MBOAT2: variants seen among roughly 807,000 people sequenced by gnomAD.
MBOAT2 encodes the protein membrane-bound glycerophospholipid O-acyltransferase 2.
Under a neutral mutation model 63.4 loss-of-function variants are expected in MBOAT2, and 28 were observed. The observed-to-expected ratio is 0.44, with a 90% CI of 0.33 to 0.61. MBOAT2 has a LOEUF of 0.61. MBOAT2 is among the 20% of genes least tolerant of loss of function. MBOAT2 has a pLI of 0.03. For synonymous variants in MBOAT2, 211 were observed against 215.6 expected (o/e 0.98, Z 0.19); for missense variants, 470 against 605.8 (o/e 0.78, Z 2.35).
At chr2:8,861,823 C>A (rs1661520648) in intron 11 of MBOAT2, among the ~76,000 whole-genome samples, 1 of 152,170 alleles carries the variant, frequency 6.6e-6, no homozygotes, top group African/African-American at 2.4e-5. Context: ...GGTATGTACA[C>A]ACATATACAC....
At chr2:8,905,055 TAA>T (rs1665232039) in intron 4 of MBOAT2, among the ~76,000 whole-genome samples, 1 of 152,146 alleles carries the variant, frequency 6.6e-6, no homozygotes, top group African/African-American at 2.4e-5. Flanking sequence ...AACTGTCCCA[TAA>T]AAGAGAGATT....
At chr2:8,933,856 T>A (rs1373191299) in intron 3 of MBOAT2, among the ~76,000 whole-genome samples, 2 of 152,020 alleles carry the variant, frequency 1.3e-5, no homozygotes, top group African/African-American at 4.8e-5. Flanking sequence ...CCACTTCATA[T>A]AAAAGCCCTC....
chr2:8,871,587 C>G (rs1476733325), intron 8 of MBOAT2, among the ~76,000 whole-genome samples: 1 of 152,118 alleles, frequency 6.6e-6, no homozygotes, highest in Non-Finnish European at 1.5e-5. Flanking sequence ...TTATTGATGT[C>G]TAAATTTGGC....
intron 3 of MBOAT2, among the ~76,000 whole-genome samples, chr2:8,936,195 A>G (rs1667649977): frequency 6.6e-6 from 1 of 152,118 alleles, no homozygotes; most frequent in Non-Finnish European, 1.5e-5. Flanking sequence ...TTTTTTATTC[A>G]TCACTAGATC....
intron 4 of MBOAT2, among the ~76,000 whole-genome samples, chr2:8,890,151 C>T (rs1663883645): frequency 6.6e-6 from 1 of 152,150 alleles, no homozygotes; most frequent in South Asian, 2.1e-4. Flanking sequence ...ATGCTGCTCC[C>T]TTTACCCAGA....
intron 4 of MBOAT2, among the ~76,000 whole-genome samples, chr2:8,899,560 T>C (rs1483143831): frequency 6.6e-6 from 1 of 152,234 alleles, no homozygotes; most frequent in East Asian, 1.9e-4. Flanking sequence ...AGTCCTGTTG[T>C]TGGATCATCT....
chr2:8,888,357 G>A (rs781774731), intron 4 of MBOAT2, among the ~76,000 whole-genome samples: 2 of 152,160 alleles, frequency 1.3e-5, no homozygotes, highest in Non-Finnish European at 1.5e-5. Context: ...ATCTAACCTG[G>A]CCTCCTCATC....
chr2:8,969,967 G>A (rs928539697), intron 1 of MBOAT2, among the ~76,000 whole-genome samples: 12 of 152,136 alleles, frequency 7.9e-5, no homozygotes, highest in Admixed American at 6.5e-5. Flanking sequence ...CAACAAAACA[G>A]AAAGTTAACA....
chr2:8,882,834 A>G (rs1170969057), intron 5 of MBOAT2, among the ~76,000 whole-genome samples: 2 of 152,196 alleles, frequency 1.3e-5, no homozygotes, highest in Non-Finnish European at 2.9e-5. Context: ...TAAAAATTAT[A>G]ATGTTATTAT....
chr2:8,961,461 TA>T (rs1452899748), intron 1 of MBOAT2, among the ~76,000 whole-genome samples: 1 of 152,168 alleles, frequency 6.6e-6, no homozygotes, highest in African/African-American at 2.4e-5. Context: ...ACAAGAGGCT[TA>T]GGCACACATG....
Position 8,882,531 on chromosome 2 carries a change from T to G in MBOAT2, c.486A>C (p.Ser162=), listed in dbSNP as rs779043886. The change falls in exon 6 of 13, where the codon TCA becomes TCC. Residue 162 remains serine, a synonymous_variant. Transcript: ENST00000305997. ...CGTACCTTACAGCTAAATCCCTCTG[T>G]GAGGAAGTCAGTTCTTCATCCTTCC... The part of the protein sequence containing the change: ...MFRKDEELTS[S]QRDLAVRRMP... 1.2e-6 allele frequency: 2 copies of G among 1,614,238 alleles called. No homozygotes were observed. The highest frequency in any genetic ancestry group is 2.2e-5 in the South Asian group (2 of 91,090).
intron 5 of MBOAT2, among the ~76,000 whole-genome samples, chr2:8,886,981 C>T (rs1244191384): frequency 6.6e-6 from 1 of 152,144 alleles, no homozygotes; most frequent in Non-Finnish European, 1.5e-5. Flanking sequence ...AACTACAAGA[C>T]ACTGTGCATA....
intron 3 of MBOAT2, among the ~76,000 whole-genome samples, chr2:8,935,846 C>T (rs1037278225): frequency 1.3e-5 from 2 of 152,152 alleles, no homozygotes; most frequent in African/African-American, 4.8e-5. Flanking sequence ...CTAAGGCCAC[C>T]CAGTGGGAAT....
At chr2:8,995,945 C>T (rs1020189060) in intron 1 of MBOAT2, among the ~76,000 whole-genome samples, 17 of 152,158 alleles carry the variant, frequency 1.1e-4, no homozygotes, top group African/African-American at 4.1e-4. Flanking sequence ...AACTTTGGCC[C>T]AAGTCTGTTA....
Position 8,911,524 on chromosome 2 carries a change from C to T in MBOAT2, c.300-2808G>A, listed in dbSNP as rs139511299. On this transcript the variant is annotated intron_variant, in intron 3 of 12. Coordinates refer to ENST00000305997, the MANE Select transcript of MBOAT2 (RefSeq NM_138799.4). The stretch of plus-strand genomic sequence containing the variant: ...AAAACTTCATGTAGAAATCTAATCT[C>T]TAATGCTGGAGGTGGGGCCTAATGG... Among the ~76,000 whole-genome samples the T allele has an allele frequency of 3.3e-5, 5 of 152,288 alleles. No homozygotes were observed. The East Asian group carries it at 9.6e-4, about 29-fold the overall frequency.
At chr2:8,973,161 C>T (rs1036494575) in intron 1 of MBOAT2, among the ~76,000 whole-genome samples, 13 of 152,072 alleles carry the variant, frequency 8.5e-5, no homozygotes, top group Non-Finnish European at 1.3e-4. Flanking sequence ...AAATGTGGCA[C>T]ATATACACCA....
intron 4 of MBOAT2, among the ~76,000 whole-genome samples, chr2:8,890,313 C>T (rs1391466983): frequency 1.3e-5 from 2 of 152,160 alleles, no homozygotes; most frequent in Admixed American, 6.5e-5. Flanking sequence ...CACGCGCGCA[C>T]GCAAATACTC....
chr2:8,906,161 T>C (rs1665315246), intron 4 of MBOAT2, among the ~76,000 whole-genome samples: 1 of 152,194 alleles, frequency 6.6e-6, no homozygotes, highest in African/African-American at 2.4e-5. Context: ...GGTTTTGCCA[T>C]GTTGCCCAAA....
intron 4 of MBOAT2, among the ~76,000 whole-genome samples, chr2:8,894,398 G>A (rs939499267): frequency 1.3e-5 from 2 of 152,244 alleles, no homozygotes; most frequent in African/African-American, 2.4e-5. Context: ...CAAGGGCTGG[G>A]AGACACTCCC....
Sources: gnomAD v4.1 joint callset for allele counts (sites outside exome capture counted in the v4.1 genomes callset) on GRCh38, gnomAD v4.1.1 for gene constraint, MANE v1.5 for transcripts, NCBI Gene and HGNC (gene_info 2026-07-23, HGNC 2026-07-21) for gene names.